CDH23: variants seen among roughly 807,000 people sequenced by gnomAD.
The protein encoded by CDH23 is cadherin-23.
CDH23 carries 189 observed loss-of-function variants against 317.1 expected under a neutral mutation model. The ratio of observed to expected loss-of-function variants is 0.60; its 90% confidence interval spans 0.53 to 0.67. CDH23 has a LOEUF of 0.67. CDH23 is among the 30% of genes least tolerant of loss of function. The pLI, the probability that CDH23 is intolerant of heterozygous loss-of-function variation, is 0.00. For missense variants in CDH23, 4,401 were observed against 4,592.4 expected (o/e 0.96, Z 1.20); for synonymous variants, 1,839 against 1,876.8 (o/e 0.98, Z 0.52).
intron 3 of CDH23, among the ~76,000 whole-genome samples, chr10:71,450,699 C>T (rs1246373019): frequency 6.6e-6 from 1 of 152,136 alleles, no homozygotes; most frequent in Non-Finnish European, 1.5e-5. Flanking sequence ...TCCTCCAGGA[C>T]ACCACCCGCC....
At chr10:71,427,190 G>A (rs369282486) in intron 1 of CDH23, among the ~76,000 whole-genome samples, 10 of 4,528 alleles carry the variant, frequency 2.2e-3, no homozygotes, top group Admixed American at 9.3e-3. Flanking sequence ...AAGGAAGGAA[G>A]GAAAGAGAAA....
rs759228637 is a variant in CDH23, at chr10:71,709,105, C to A, written c.3114C>A (p.Asn1038Lys). 7 of 1,613,692 alleles carry A rather than the reference C, an allele frequency of 4.3e-6. No individual in the cohort carries two copies. Among genetic ancestry groups the A allele is most frequent in the Non-Finnish European group, 8.5e-7 (1 of 1,179,866 alleles). The change falls in exon 27 of 70, where the codon AAC becomes AAA. Residue 1038 changes from asparagine to lysine, a missense_variant. Physicochemically the swap from Asn to Lys is moderately conservative, Grantham distance 94. This residue lies in a region of CDH23 where 3,068 missense variants were observed against 3,203.3 expected (regional missense o/e 0.96). Coordinates refer to ENST00000224721, the MANE Select transcript of CDH23 (RefSeq NM_022124.6). ...AELSYFITGGNVDGKFSVGYR... is the reference protein window; with the variant it reads ...AELSYFITGGKVDGKFSVGYR... ...CCTCTCCTTCACCCACAGGTGGCAA[C>A]GTGGATGGGAAGTTCAGCGTGGGTT...
chr10:71,500,806 TTTCTTTTCTTTTCTC>T (rs1853272545), intron 3 of CDH23, among the ~76,000 whole-genome samples: 2 of 138,272 alleles, frequency 1.4e-5, no homozygotes, highest in South Asian at 4.8e-4. Flanking sequence ...TTTCTTTTCT[TTTCTTTTCTTTTCTC>T]TTTCCTTTCC....
intron 11 of CDH23, among the ~76,000 whole-genome samples, chr10:71,642,659 C>G (rs953295913): frequency 2.0e-5 from 3 of 151,944 alleles, no homozygotes; most frequent in African/African-American, 7.2e-5. Flanking sequence ...CTCCGCTTCC[C>G]GACGTGCTGG....
chr10:71,427,815 C>T lies in CDH23; in HGVS notation c.-5-12012C>T, dbSNP rs926533262. Among the ~76,000 whole-genome samples the T allele has an allele frequency of 2.0e-5, 3 of 150,894 alleles. No individual in the cohort carries two copies. The East Asian group carries it at 5.9e-4, about 29-fold the overall frequency. On this transcript the variant is annotated intron_variant, in intron 1 of 69. Transcript: ENST00000224721. ...GCAACCTCCACCTCCTGGGTTAAAG[C>T]GATTCTCCTGCCTCAGCCTCCTGAG...
chr10:71,539,460 T>A (rs1855874923), intron 6 of CDH23, among the ~76,000 whole-genome samples: 1 of 152,036 alleles, frequency 6.6e-6, no homozygotes, highest in African/African-American at 2.4e-5. Flanking sequence ...TTTCTCTCTC[T>A]CTCTGGTCTT....
At position 71,815,614 on chromosome 10, in the gene CDH23, C is replaced by G. The variant is rs746828094; in HGVS notation, c.*336C>G. On this transcript the variant is annotated 3_prime_UTR_variant, in exon 70 of 70. Coordinates refer to ENST00000224721, the MANE Select transcript of CDH23 (RefSeq NM_022124.6). Reference sequence around the variant, plus strand: ...CTGAGCTGAAAGAGGCCAAACAGGCCCTCCTCCCTCCCAGCTCCACCCCGC... The same window carrying G: ...CTGAGCTGAAAGAGGCCAAACAGGCGCTCCTCCCTCCCAGCTCCACCCCGC... 2 of 227,154 alleles carry G rather than the reference C, an allele frequency of 8.8e-6. No individual in the cohort carries two copies. Among genetic ancestry groups the G allele is most frequent in the Non-Finnish European group, 1.7e-5 (2 of 115,714 alleles). 14.1% of individuals were successfully genotyped at this position (227,154 alleles called of 1,614,324 possible).
chr10:71,591,628 AC>A (rs1371753815), intron 9 of CDH23, among the ~76,000 whole-genome samples: 1 of 152,242 alleles, frequency 6.6e-6, no homozygotes. Flanking sequence ...AAACTACTAA[AC>A]AAATAATAAT....
intron 9 of CDH23, among the ~76,000 whole-genome samples, chr10:71,582,568 GCTTCTGC>G (rs1589232029): frequency 6.6e-6 from 1 of 152,196 alleles, no homozygotes; most frequent in East Asian, 1.9e-4. Context: ...CCTCGGCTTA[GCTTCTGC>G]CACTGACCAG....
chr10:71,740,622 G>C (rs1839708109), intron 36 of CDH23, among the ~76,000 whole-genome samples, 200 bp from the exon 37 acceptor site: 1 of 152,222 alleles, frequency 6.6e-6, no homozygotes, highest in Non-Finnish European at 1.5e-5. Context: ...TTTGCAGCAT[G>C]GGGCAGAAGG....
intron 1 of CDH23, among the ~76,000 whole-genome samples, chr10:71,425,849 A>T (rs1024033539): frequency 2.6e-5 from 4 of 152,226 alleles, no homozygotes; most frequent in Non-Finnish European, 5.9e-5. Context: ...AGTTAAAGTC[A>T]TCACGGAGGT....
chr10:71,795,595 T>G (rs1221765182), intron 48 of CDH23: 1 of 162,672 alleles, frequency 6.1e-6, no homozygotes, highest in Non-Finnish European at 1.3e-5. Context: ...CTACCTTTTC[T>G]TCTTGCCAGA....
intron 6 of CDH23, chr10:71,511,795 G>A (rs997739516): frequency 6.4e-6 from 1 of 155,358 alleles, no homozygotes; most frequent in African/African-American, 2.4e-5. Context: ...TCGTTAATAA[G>A]CTGGCTGCCA....
At chr10:71,507,465 G>A (rs1270226447) in intron 3 of CDH23, among the ~76,000 whole-genome samples, 1 of 152,216 alleles carries the variant, frequency 6.6e-6, no homozygotes, top group African/African-American at 2.4e-5. Flanking sequence ...GCCGAGGTGG[G>A]CAGATCACTT....
At chr10:71,526,297 C>T (rs892003865) in intron 6 of CDH23, among the ~76,000 whole-genome samples, 2 of 152,212 alleles carry the variant, frequency 1.3e-5, no homozygotes, top group Non-Finnish European at 2.9e-5. Context: ...CTACACTTGC[C>T]CCCACTGCAG....
intron 3 of CDH23, among the ~76,000 whole-genome samples, chr10:71,475,318 C>A (rs542769300): frequency 4.4e-4 from 67 of 152,188 alleles, no homozygotes; most frequent in Non-Finnish European, 8.8e-4. Flanking sequence ...GTGGGGAGGG[C>A]GGGGTAGGAA....
intron 4 of CDH23, 96 bp from the exon 5 acceptor site, chr10:71,510,858 G>T (rs1853930184): frequency 8.2e-7 from 1 of 1,212,876 alleles, no homozygotes; most frequent in Non-Finnish European, 1.2e-6. Flanking sequence ...AAGCTCCTAG[G>T]GCAATCCTGG....
intron 14 of CDH23, chr10:71,646,947 C>G (rs1408804787): frequency 1.0e-6 from 1 of 985,258 alleles, no homozygotes; most frequent in Non-Finnish European, 1.2e-6. Context: ...AAGGTGCCAG[C>G]CATCCTTGAG....
intron 49 of CDH23, among the ~76,000 whole-genome samples, chr10:71,797,792 G>A (rs1262143876): frequency 6.6e-6 from 1 of 151,956 alleles, no homozygotes; most frequent in Non-Finnish European, 1.5e-5. Flanking sequence ...GGGGCTGCCA[G>A]AGGGGTGGAT....
Sources: gnomAD v4.1 joint callset for allele counts (sites outside exome capture counted in the v4.1 genomes callset) on GRCh38, gnomAD v4.1.1 for gene constraint, gnomAD v4.1.1 regional missense constraint, MANE v1.5 for transcripts, NCBI Gene and HGNC (gene_info 2026-07-23, HGNC 2026-07-21) for gene names.